Variants in ROBO1 observed in about 807,000 individuals in gnomAD.
ROBO1 encodes the protein roundabout homolog 1.
In ROBO1, 149 loss-of-function variants were observed where a neutral mutation model predicts 195.9. The ratio of observed to expected loss-of-function variants is 0.76; its 90% CI spans 0.67 to 0.87. The LOEUF (loss-of-function observed/expected upper bound fraction) is 0.87, where lower values mean the gene tolerates loss of function less well. Ranked by LOEUF, ROBO1 falls within the 40% of genes least tolerant of loss-of-function variation. ROBO1 has a pLI of 0.00. For missense variants in ROBO1, 1,933 were observed against 2,068.3 expected (o/e 0.93, Z 1.27); for synonymous variants, 816 against 733.2 (o/e 1.11, Z -1.82).
chr3:78,606,597 G>T (rs946693500), intron 29 of ROBO1, 136 bp downstream of exon 29: 1 of 798,416 alleles, frequency 1.3e-6, no homozygotes, highest in Admixed American at 2.2e-5. Context: ...AAAATTATTC[G>T]AGTACATGCC....
chr3:79,021,396 G>C (rs891214740), intron 3 of ROBO1, among the ~76,000 whole-genome samples: 2 of 152,152 alleles, frequency 1.3e-5, no homozygotes, highest in African/African-American at 2.4e-5. Context: ...CATATCATTT[G>C]AATGTACGTT....
chr3:78,689,593 T>C (rs1348442056), intron 8 of ROBO1, among the ~76,000 whole-genome samples: 4 of 152,104 alleles, frequency 2.6e-5, no homozygotes, highest in Non-Finnish European at 5.9e-5. Context: ...AGAATGTAAG[T>C]CTTTTTACCT....
At chr3:79,082,591 G>A (rs2079294280) in intron 3 of ROBO1, among the ~76,000 whole-genome samples, 1 of 152,142 alleles carries the variant, frequency 6.6e-6, no homozygotes. Flanking sequence ...TGTTCATAGT[G>A]GATAAGGGAA....
chr3:79,619,202 G>A (rs1944925777), intron 1 of ROBO1, among the ~76,000 whole-genome samples: 1 of 152,120 alleles, frequency 6.6e-6, no homozygotes, highest in Non-Finnish European at 1.5e-5. Context: ...TTAGTGGCAA[G>A]TCAATTGTGG....
chr3:78,704,720 T>C (rs1390579792), intron 8 of ROBO1, among the ~76,000 whole-genome samples: 3 of 150,588 alleles, frequency 2.0e-5, no homozygotes. Context: ...GTGGCATGCT[T>C]CTGTAGAGCT....
chr3:79,186,218 T>C (rs2081434908), intron 2 of ROBO1, among the ~76,000 whole-genome samples: 1 of 152,124 alleles, frequency 6.6e-6, no homozygotes, highest in Admixed American at 6.6e-5. Context: ...TATGAGCATA[T>C]GCGATTTTCA....
intron 4 of ROBO1, among the ~76,000 whole-genome samples, chr3:78,755,926 A>T (rs9823409): frequency 6.6e-6 from 1 of 152,318 alleles, no homozygotes; most frequent in South Asian, 2.1e-4. Flanking sequence ...ATATGCTACC[A>T]TATTTCAAAT....
intron 3 of ROBO1, among the ~76,000 whole-genome samples, chr3:79,092,877 GTAAT>G (rs1407888864): frequency 6.6e-6 from 1 of 152,030 alleles, no homozygotes; most frequent in Non-Finnish European, 1.5e-5. Context: ...AGAATAATCA[GTAAT>G]TATCATTATT....
At chr3:78,849,498 A>G (rs1156318858) in intron 4 of ROBO1, among the ~76,000 whole-genome samples, 1 of 152,174 alleles carries the variant, frequency 6.6e-6, no homozygotes, top group Non-Finnish European at 1.5e-5. Context: ...TTGGGAGCGC[A>G]CAAAGCAACA....
intron 2 of ROBO1, among the ~76,000 whole-genome samples, chr3:79,237,820 C>G (rs1036080220): frequency 2.0e-5 from 3 of 152,018 alleles, no homozygotes; most frequent in Non-Finnish European, 4.4e-5. Context: ...GCTCTTGGAT[C>G]CAAAAAATTT....
intron 2 of ROBO1, among the ~76,000 whole-genome samples, chr3:79,287,478 A>G (rs2031957413): frequency 6.6e-6 from 1 of 152,160 alleles, no homozygotes; most frequent in Non-Finnish European, 1.5e-5. Flanking sequence ...TGCTATCTCA[A>G]ATATACTGAA....
chr3:78,821,468 C>G (rs1414275684), intron 4 of ROBO1, among the ~76,000 whole-genome samples: 1 of 152,046 alleles, frequency 6.6e-6, no homozygotes, highest in African/African-American at 2.4e-5. Context: ...CCAGCCGATA[C>G]TGATGTTTTA....
At chr3:78,809,782 T>C (rs1384726175) in intron 4 of ROBO1, among the ~76,000 whole-genome samples, 4 of 118,788 alleles carry the variant, frequency 3.4e-5, no homozygotes, top group Admixed American at 8.5e-5. Context: ...TAAGTGGGAG[T>C]TGAACAATGA....
At chr3:79,558,245 C>G (rs1032837198) in intron 2 of ROBO1, among the ~76,000 whole-genome samples, 1 of 152,084 alleles carries the variant, frequency 6.6e-6, no homozygotes, top group African/African-American at 2.4e-5. Flanking sequence ...TCTGCCACCC[C>G]TGAGACAGCA....
intron 2 of ROBO1, among the ~76,000 whole-genome samples, chr3:79,440,847 T>G (rs983164104): frequency 6.6e-6 from 1 of 152,184 alleles, no homozygotes; most frequent in African/African-American, 2.4e-5. Flanking sequence ...TTGGTGGAAA[T>G]AAGGGAGTCA....
At chr3:78,815,871 T>G (rs2082973) in intron 4 of ROBO1, among the ~76,000 whole-genome samples, 40,195 of 152,010 alleles carry the variant, frequency 0.26, 5,499 homozygotes, top group Non-Finnish European at 0.28. Context: ...TTCATGAGGG[T>G]TGAAATAAAT....
intron 3 of ROBO1, among the ~76,000 whole-genome samples, chr3:78,948,298 TC>T (rs1299568796): frequency 6.6e-6 from 1 of 151,958 alleles, no homozygotes; most frequent in Non-Finnish European, 1.5e-5. Flanking sequence ...CAGCAGCAAA[TC>T]AAAAAGCTTA....
At chr3:79,235,496 GA>G (rs2082391283) in intron 2 of ROBO1, among the ~76,000 whole-genome samples, 1 of 152,000 alleles carries the variant, frequency 6.6e-6, no homozygotes, top group Non-Finnish European at 1.5e-5. Flanking sequence ...AAAAATGTCA[GA>G]ATGTCATCCA....
intron 4 of ROBO1, among the ~76,000 whole-genome samples, chr3:78,894,534 C>T (rs964258752): frequency 6.6e-6 from 1 of 151,960 alleles, no homozygotes; most frequent in African/African-American, 2.4e-5. Flanking sequence ...TCTAGCACAG[C>T]TAATGAAACG....
Sources: allele counts gnomAD v4.1 joint callset (sites outside exome capture counted in the v4.1 genomes callset), GRCh38; gene constraint gnomAD v4.1.1; transcripts MANE v1.5; gene names NCBI Gene and HGNC (gene_info 2026-07-23, HGNC 2026-07-21).